The following TDRD7 variants were observed in gnomAD, a reference collection of about 807,000 sequenced individuals.
TDRD7 encodes the protein tudor domain containing 7.
A neutral mutation model predicts 109.8 loss-of-function variants in TDRD7; 47 were observed. The observed-to-expected ratio is 0.43, with a 90% confidence interval of 0.34 to 0.55. TDRD7 has a LOEUF of 0.55. Among genes scored for constraint, TDRD7 ranks in the 20% least tolerant of loss-of-function variants. The pLI is 0.03. For missense variants in TDRD7, 1,164 were observed against 1,319.2 expected, an observed-to-expected ratio of 0.88 and a Z score of 1.82; for synonymous variants, 424 against 457.3, an observed-to-expected ratio of 0.93 and a Z score of 0.93.
chr9:97,424,245 A>C (rs968172585), intron 1 of TDRD7, among the ~76,000 whole-genome samples: 12 of 151,698 alleles, frequency 7.9e-5, no homozygotes, highest in African/African-American at 2.9e-4. Context: ...TAGTAGAGGT[A>C]GGGTTTCACC....
intron 1 of TDRD7, among the ~76,000 whole-genome samples, chr9:97,419,062 A>G (rs72749674): frequency 1.9e-3 from 283 of 152,342 alleles, no homozygotes; most frequent in Non-Finnish European, 3.0e-3. Flanking sequence ...AGTCGTTTAC[A>G]CTGGTCACAC....
At chr9:97,473,424 AC>A in intron 10 of TDRD7, 67 bp from the exon 11 acceptor site, 1 of 1,604,742 alleles carries the variant, frequency 6.2e-7, no homozygotes, top group Non-Finnish European at 8.5e-7. Context: ...TTAGGTAGAT[AC>A]CCTTTAGGTA....
intron 6 of TDRD7, among the ~76,000 whole-genome samples, chr9:97,445,770 G>T (rs4129746): frequency 6.6e-6 from 1 of 151,882 alleles, no homozygotes; most frequent in Non-Finnish European, 1.5e-5. Flanking sequence ...GAAACACAGC[G>T]GGTCTCAGCC....
chr9:97,457,800 G>GC (rs1410114083), intron 6 of TDRD7, among the ~76,000 whole-genome samples: 1 of 152,190 alleles, frequency 6.6e-6, no homozygotes, highest in Non-Finnish European at 1.5e-5. Context: ...ATACCATGCA[G>GC]CCATAGAAAG....
intron 10 of TDRD7, 126 bp from the exon 11 acceptor site, chr9:97,473,366 A>T: frequency 7.8e-7 from 1 of 1,279,658 alleles, no homozygotes; most frequent in Non-Finnish European, 1.1e-6. Flanking sequence ...CATCTTACAT[A>T]TACTCTAACT....
Position 97,470,735 on chromosome 9 carries a change from G to T in TDRD7, c.1741+66G>T, listed in dbSNP as rs1180912280. 4.0e-6 allele frequency: 5 copies of T among 1,236,000 alleles called. No homozygotes were observed. In the East Asian group the frequency reaches 1.2e-4, roughly 30 times the overall value. 76.6% of individuals were successfully genotyped at this position (1,236,000 alleles called of 1,614,324 possible). On this transcript the variant is annotated intron_variant, in intron 9 of 16. Transcript: ENST00000355295. ...GCTATTACCACTGTACATTTGGATA[G>T]TTGAATCCTAAAATGGACTAAGTAT...
At chr9:97,491,001 C>T (rs1275664844) in intron 16 of TDRD7, among the ~76,000 whole-genome samples, 16 of 150,684 alleles carry the variant, frequency 1.1e-4, no homozygotes, top group African/African-American at 1.2e-4. Flanking sequence ...CTGCAACCTC[C>T]GCCTCCCAGG....
chr9:97,487,748 T>C (rs112660380), intron 16 of TDRD7, among the ~76,000 whole-genome samples: 102 of 152,284 alleles, frequency 6.7e-4, no homozygotes, highest in African/African-American at 2.2e-3. Context: ...ACATTTTTAT[T>C]GTAATATCAA....
At chr9:97,485,974 T>G (rs1423267333) in intron 15 of TDRD7, among the ~76,000 whole-genome samples, 1 of 152,228 alleles carries the variant, frequency 6.6e-6, no homozygotes, top group Non-Finnish European at 1.5e-5. Flanking sequence ...CCAGTTACAG[T>G]GTTGAAAGCT....
intron 6 of TDRD7, among the ~76,000 whole-genome samples, chr9:97,449,086 A>G (rs1455405208): frequency 6.6e-6 from 1 of 152,188 alleles, no homozygotes; most frequent in Non-Finnish European, 1.5e-5. Context: ...TAGGATGAAG[A>G]CTTCTATTTG....
intron 6 of TDRD7, among the ~76,000 whole-genome samples, chr9:97,449,379 C>T (rs185809134): frequency 2.8e-4 from 42 of 152,266 alleles, no homozygotes; most frequent in African/African-American, 9.1e-4. Flanking sequence ...ACACTAGTTG[C>T]GCAGATCCAG....
At chr9:97,476,676 A>G (rs1829027805) in intron 12 of TDRD7, among the ~76,000 whole-genome samples, 1 of 151,934 alleles carries the variant, frequency 6.6e-6, no homozygotes. Context: ...AAGGACCTCA[A>G]CTTTCAGGGG....
At chr9:97,421,729 TG>T (rs1827903582) in intron 1 of TDRD7, among the ~76,000 whole-genome samples, 1 of 126,202 alleles carries the variant, frequency 7.9e-6, no homozygotes, top group South Asian at 2.6e-4. Flanking sequence ...TGTGTGTGTG[TG>T]TGTGTGTGTG....
intron 7 of TDRD7, among the ~76,000 whole-genome samples, chr9:97,464,468 C>T (rs986992678): frequency 1.1e-4 from 16 of 152,178 alleles, no homozygotes; most frequent in African/African-American, 3.1e-4. Flanking sequence ...AGCGATTCTC[C>T]TGCCTTAGCC....
At chr9:97,456,055 G>C (rs1364696781) in intron 6 of TDRD7, among the ~76,000 whole-genome samples, 17 of 152,140 alleles carry the variant, frequency 1.1e-4, no homozygotes, top group Non-Finnish European at 5.9e-5. Context: ...GCCAAATCAT[G>C]AATGAACTCC....
chr9:97,494,706 A>G (rs1564219895), intron 16 of TDRD7, among the ~76,000 whole-genome samples: 5 of 94,764 alleles, frequency 5.3e-5, no homozygotes, highest in South Asian at 3.5e-4. Context: ...ATATATATAT[A>G]TATATATTTT....
intron 14 of TDRD7, among the ~76,000 whole-genome samples, 155 bp downstream of exon 14, chr9:97,481,093 C>T (rs1342309466): frequency 6.6e-6 from 1 of 152,192 alleles, no homozygotes; most frequent in African/African-American, 2.4e-5. Flanking sequence ...ACATGTGTAG[C>T]TGTAAGATAT....
intron 1 of TDRD7, among the ~76,000 whole-genome samples, chr9:97,422,829 A>G (rs1208092881): frequency 6.6e-6 from 1 of 152,096 alleles, no homozygotes; most frequent in Non-Finnish European, 1.5e-5. Context: ...GTAGTAAGTT[A>G]TATTGATTGA....
chr9:97,431,205 C>G (rs1256198697), intron 3 of TDRD7, 131 bp downstream of exon 3: 4 of 1,371,170 alleles, frequency 2.9e-6, no homozygotes, highest in Non-Finnish European at 4.1e-6. Context: ...GGGGAAAGAT[C>G]CTGAAGCTAG....
Sources: allele counts gnomAD v4.1 joint callset (sites outside exome capture counted in the v4.1 genomes callset), GRCh38; gene constraint gnomAD v4.1.1; transcripts MANE v1.5; gene names NCBI Gene and HGNC (gene_info 2026-07-23, HGNC 2026-07-21).